NELL1: variants seen among roughly 807,000 people sequenced by gnomAD.
NELL1 encodes neural EGFL like 1.
NELL1 carries 76 observed loss-of-function variants against 107.4 expected under a neutral mutation model. The observed-to-expected ratio is 0.71, with a 90% confidence interval of 0.59 to 0.86. The LOEUF (loss-of-function observed/expected upper bound fraction) is 0.86. NELL1 is among the 40% of genes least tolerant of loss of function. The pLI, the probability that NELL1 is intolerant of heterozygous loss-of-function variation, is 0.00. For synonymous variants in NELL1, 353 were observed against 341.2 expected (o/e 1.03, Z -0.38); for missense variants, 1,024 against 1,005.5 (o/e 1.02, Z -0.25).
At position 21,473,486 on chromosome 11, in the gene NELL1, A is replaced by G. The variant is rs139805348; in HGVS notation, c.1646-60888A>G. ...CATTCATTTAAGATTACCTGTTCAT[A>G]TTTTAACGAGGAGTTTCTAAGAAGT... On this transcript the variant is annotated intron_variant, in intron 15 of 19. Coordinates refer to ENST00000357134, the MANE Select transcript of NELL1 (RefSeq NM_006157.5). Among the ~76,000 whole-genome samples the G allele has an allele frequency of 1.2e-4, 19 of 152,166 alleles. No individual in the cohort carries two copies. The East Asian group carries it at 3.5e-3, about 28-fold the overall frequency.
intron 16 of NELL1, among the ~76,000 whole-genome samples, chr11:21,558,991 A>C (rs186865360): frequency 7.6e-4 from 115 of 152,250 alleles, no homozygotes; most frequent in African/African-American, 2.6e-3. Context: ...CTTACCATAC[A>C]GGCATCATAA....
At chr11:21,388,542 A>G (rs1418008699) in intron 15 of NELL1, among the ~76,000 whole-genome samples, 1 of 151,852 alleles carries the variant, frequency 6.6e-6, no homozygotes, top group Non-Finnish European at 1.5e-5. Flanking sequence ...CAGCATCTCA[A>G]CAAAACAGTG....
chr11:21,102,544 C>T (rs1590637788), intron 12 of NELL1, among the ~76,000 whole-genome samples: 1 of 152,182 alleles, frequency 6.6e-6, no homozygotes, highest in African/African-American at 2.4e-5. Flanking sequence ...TGCTAAAAAA[C>T]AATACCTACT....
intron 13 of NELL1, among the ~76,000 whole-genome samples, chr11:21,226,039 G>A (rs188469451): frequency 4.1e-4 from 62 of 152,264 alleles, no homozygotes; most frequent in African/African-American, 1.4e-3. Context: ...ATGCCAGTCC[G>A]TCTTTCGCAA....
chr11:21,332,327 AC>A (rs1401288053), intron 14 of NELL1, among the ~76,000 whole-genome samples: 1 of 151,818 alleles, frequency 6.6e-6, no homozygotes, highest in African/African-American at 2.4e-5. Context: ...AATTCCAGTC[AC>A]CTTGGCTTCT....
rs1856872128 is a variant in NELL1 at position 21,183,567 on chromosome 11, A to G, written c.1427-45765A>G. On this transcript the variant is annotated intron_variant, in intron 13 of 19. Transcript: ENST00000357134. ...CCCCTCCCCTGGTGAGATTATCATT[A>G]ATTAAGGAAATGCAGGCATCGATCT... is the stretch of plus-strand genomic sequence containing the variant. Among the ~76,000 whole-genome samples, 7 of 151,834 alleles carry G rather than the reference A, an allele frequency of 4.6e-5. No homozygotes were observed. The South Asian group carries it at 1.4e-3, about 31-fold the overall frequency.
At chr11:20,714,194 ATTTTTTTTTTTTT>A (rs34441596) in intron 2 of NELL1, among the ~76,000 whole-genome samples, 63 of 61,776 alleles carry the variant, frequency 1.0e-3, no homozygotes, top group African/African-American at 3.8e-3. Context: ...TATCTCCCCG[ATTTTTTTTTTTTT>A]TTTTTTTTTT....
intron 9 of NELL1, among the ~76,000 whole-genome samples, chr11:20,937,076 T>C (rs1048342983): frequency 6.6e-6 from 1 of 152,224 alleles, no homozygotes; most frequent in South Asian, 2.1e-4. Context: ...AATTGACATA[T>C]GCTGTACTTG....
chr11:21,311,041 C>A (rs1317687538), intron 14 of NELL1, among the ~76,000 whole-genome samples: 1 of 152,038 alleles, frequency 6.6e-6, no homozygotes, highest in Non-Finnish European at 1.5e-5. Context: ...TTAATCTGTG[C>A]GTTTCAGTAA....
At chr11:21,417,889 A>G (rs116429663) in intron 15 of NELL1, among the ~76,000 whole-genome samples, 1,575 of 152,074 alleles carry the variant, frequency 0.01, 25 homozygotes, top group African/African-American at 0.035. Context: ...AAACAAGTCT[A>G]TCTTCTCCAA....
intron 15 of NELL1, among the ~76,000 whole-genome samples, chr11:21,413,042 G>A (rs1852418232): frequency 6.6e-6 from 1 of 152,038 alleles, no homozygotes; most frequent in Non-Finnish European, 1.5e-5. Flanking sequence ...CAACACTTTG[G>A]CTAATAGGAA....
At position 21,428,493 on chromosome 11, in the gene NELL1, G is replaced by A. The variant is rs568856474; in HGVS notation, c.1645+57545G>A. Reference sequence around the variant, plus strand: ...TTGGTTATTGACTGATACACATTCCGGGGATATTCATTTCTTCCACTTCCC... The same window carrying A: ...TTGGTTATTGACTGATACACATTCCAGGGATATTCATTTCTTCCACTTCCC... On this transcript the variant is annotated intron_variant, in intron 15 of 19. Transcript: ENST00000357134. Among the ~76,000 whole-genome samples, 8 of 152,176 alleles carry A rather than the reference G, an allele frequency of 5.3e-5. No homozygotes were observed. In the East Asian group the frequency reaches 7.7e-4, roughly 15 times the overall value.
intron 13 of NELL1, among the ~76,000 whole-genome samples, chr11:21,127,684 T>G (rs1184048579): frequency 1.3e-5 from 2 of 152,110 alleles, no homozygotes; most frequent in Non-Finnish European, 1.5e-5. Flanking sequence ...CAACCTCTAT[T>G]AACATTTTGC....
intron 15 of NELL1, among the ~76,000 whole-genome samples, chr11:21,514,924 G>A (rs1348358730): frequency 6.6e-6 from 1 of 152,198 alleles, no homozygotes; most frequent in Non-Finnish European, 1.5e-5. Context: ...GGGTGGGGTA[G>A]GTGATACTAA....
chr11:20,734,029 CAAG>C (rs951465024), intron 2 of NELL1, among the ~76,000 whole-genome samples: 1 of 148,944 alleles, frequency 6.7e-6, no homozygotes, highest in African/African-American at 2.6e-5. Context: ...GAAAAGTCCT[CAAG>C]AAGGAGTTAA....
At chr11:21,144,208 T>C (rs1855925933) in intron 13 of NELL1, among the ~76,000 whole-genome samples, 1 of 152,188 alleles carries the variant, frequency 6.6e-6, no homozygotes, top group African/African-American at 2.4e-5. Flanking sequence ...TGTTATTGTC[T>C]GCAGGAAGCC....
At chr11:21,450,915 G>A (rs547950750) in intron 15 of NELL1, among the ~76,000 whole-genome samples, 185 of 152,166 alleles carry the variant, frequency 1.2e-3, no homozygotes, top group Non-Finnish European at 2.2e-3. Flanking sequence ...GGCAGGCCGG[G>A]TGCGGTGGCT....
chr11:21,193,944 T>C (rs1857098492), intron 13 of NELL1, among the ~76,000 whole-genome samples: 1 of 151,868 alleles, frequency 6.6e-6, no homozygotes. Context: ...ATGGGTTTCA[T>C]CTTTGAGGAG....
In NELL1 at chr11:20,987,607, G is replaced by T. The variant is rs1017033547; in HGVS notation, c.1300+27047G>T. 2.0e-5 allele frequency among the ~76,000 whole-genome samples: 3 copies of T among 152,132 alleles called. No individual in the cohort carries two copies. In the South Asian group the frequency reaches 6.2e-4, roughly 32 times the overall value. On this transcript the variant is annotated intron_variant, in intron 12 of 19. Coordinates refer to ENST00000357134, the MANE Select transcript of NELL1 (RefSeq NM_006157.5). ...GTGAGAACTCACTATCACGAGAACA[G>T]CATGGAGGTAACCACTCCGATGATT...
Sources: gnomAD v4.1 joint callset for allele counts (sites outside exome capture counted in the v4.1 genomes callset) on GRCh38, gnomAD v4.1.1 for gene constraint, MANE v1.5 for transcripts, NCBI Gene and HGNC (gene_info 2026-07-23, HGNC 2026-07-21) for gene names.